The following PCDH15 variants were observed in gnomAD, a reference collection of about 807,000 sequenced individuals.
The protein encoded by PCDH15 is protocadherin related 15, also known as protocadherin-15.
Under a neutral mutation model 178.5 loss-of-function variants are expected in PCDH15, and 129 were observed. That is an observed-to-expected ratio of 0.72 (90% CI 0.63 to 0.84). The LOEUF is 0.84. Among genes scored for constraint, PCDH15 ranks in the 40% least tolerant of loss-of-function variants. The pLI, the probability that PCDH15 is intolerant of heterozygous loss-of-function variation, is 0.00. For missense variants in PCDH15, 2,230 were observed against 2,099.9 expected (o/e 1.06, Z -1.21); for synonymous variants, 800 against 732.0 (o/e 1.09, Z -1.50).
intron 23 of PCDH15, among the ~76,000 whole-genome samples, chr10:53,949,541 T>C (rs1255093388): frequency 6.6e-6 from 1 of 152,092 alleles, no homozygotes; most frequent in Non-Finnish European, 1.5e-5. Context: ...AATGATAGCC[T>C]GGGCAATATA....
chr10:54,567,991 C>T (rs2089286331), intron 2 of PCDH15, among the ~76,000 whole-genome samples: 1 of 152,116 alleles, frequency 6.6e-6, no homozygotes, highest in African/African-American at 2.4e-5. Context: ...TTATCTAACA[C>T]ATAAGTATAC....
chr10:54,339,863 G>C (rs147126274), intron 6 of PCDH15, among the ~76,000 whole-genome samples: 1,820 of 152,236 alleles, frequency 0.012, 18 homozygotes, highest in Non-Finnish European at 0.018. Flanking sequence ...GTTTTAGCCA[G>C]AATTCCCCTA....
chr10:54,327,319 G>C (rs1017170370), intron 7 of PCDH15, among the ~76,000 whole-genome samples: 1 of 151,476 alleles, frequency 6.6e-6, no homozygotes, highest in African/African-American at 2.4e-5. Flanking sequence ...ACTCTGAGTG[G>C]CCCTCCCTAA....
At chr10:54,300,831 C>T (rs868769188) in intron 8 of PCDH15, among the ~76,000 whole-genome samples, 45 of 152,236 alleles carry the variant, frequency 3.0e-4, no homozygotes, top group African/African-American at 1.1e-3. Flanking sequence ...GTAAAATGGA[C>T]CAATCAGCAG....
chr10:55,524,367 G>A (rs1282665890), intron 2 of PCDH15, among the ~76,000 whole-genome samples: 1 of 151,592 alleles, frequency 6.6e-6, no homozygotes, highest in East Asian at 1.9e-4. Context: ...TTCCAATACA[G>A]TGGCCACCAG....
intron 2 of PCDH15, among the ~76,000 whole-genome samples, chr10:54,661,721 G>A (rs2094495881): frequency 6.6e-6 from 1 of 151,780 alleles, no homozygotes; most frequent in Admixed American, 6.6e-5. Flanking sequence ...ATAGATCTAT[G>A]GACACAATAG....
At chr10:55,370,260 AAAAACACAAT>A (rs1845473301) in intron 2 of PCDH15, among the ~76,000 whole-genome samples, 1 of 152,114 alleles carries the variant, frequency 6.6e-6, no homozygotes, top group South Asian at 2.1e-4. Flanking sequence ...CTGGCAAAGA[AAAAACACAAT>A]AAAACAGCAT....
intron 1 of PCDH15, among the ~76,000 whole-genome samples, chr10:55,282,962 C>A (rs1238427981): frequency 6.6e-6 from 1 of 152,110 alleles, no homozygotes. Context: ...TATAGTTGAA[C>A]TTTGAAACAA....
intron 2 of PCDH15, among the ~76,000 whole-genome samples, chr10:55,610,047 G>A (rs1447851350): frequency 6.6e-6 from 1 of 152,072 alleles, no homozygotes; most frequent in East Asian, 1.9e-4. Context: ...AACTTCCAGA[G>A]ATATATCTTA....
At chr10:53,951,297 C>T (rs2593109) in intron 23 of PCDH15, among the ~76,000 whole-genome samples, 2,083 of 151,810 alleles carry the variant, frequency 0.014, 44 homozygotes, top group African/African-American at 0.047. Context: ...GGGATATTAC[C>T]CGGACTTAAT....
At chr10:54,710,957 C>G (rs947846515) in intron 1 of PCDH15, among the ~76,000 whole-genome samples, 1 of 151,922 alleles carries the variant, frequency 6.6e-6, no homozygotes, top group East Asian at 1.9e-4. Flanking sequence ...CAGGCATAAA[C>G]CGGATTGCTT....
At chr10:55,490,571 A>G (rs1218844935) in intron 2 of PCDH15, among the ~76,000 whole-genome samples, 1 of 151,794 alleles carries the variant, frequency 6.6e-6, no homozygotes, top group East Asian at 1.9e-4. Flanking sequence ...TTTGTAGTGG[A>G]GCTACTTAGC....
At chr10:55,529,794 A>ACATAT (rs1385359084) in intron 2 of PCDH15, among the ~76,000 whole-genome samples, 1 of 122,558 alleles carries the variant, frequency 8.2e-6, no homozygotes, top group Non-Finnish European at 1.7e-5. Flanking sequence ...TACCACAAAT[A>ACATAT]CATATATGTT....
At chr10:54,731,564 A>ATATATATATATATATT in intron 1 of PCDH15, among the ~76,000 whole-genome samples, 1 of 43,354 alleles carries the variant, frequency 2.3e-5, no homozygotes, top group East Asian at 6.2e-4. Context: ...ATATATATAT[A>ATATATATATATATATT]CACACACACA....
intron 1 of PCDH15, among the ~76,000 whole-genome samples, chr10:55,304,677 A>C (rs913030853): frequency 4.6e-5 from 7 of 152,204 alleles, no homozygotes; most frequent in Admixed American, 2.0e-4. Flanking sequence ...TTGAGAAAGG[A>C]ATGTAGTTCT....
intron 2 of PCDH15, among the ~76,000 whole-genome samples, chr10:55,039,311 T>G (rs964741870): frequency 2.6e-5 from 4 of 151,998 alleles, no homozygotes; most frequent in Non-Finnish European, 5.9e-5. Context: ...AAAAAAGACA[T>G]GAGCAGATAT....
intron 3 of PCDH15, among the ~76,000 whole-genome samples, chr10:54,389,391 T>A (rs1218700290): frequency 6.6e-6 from 1 of 152,192 alleles, no homozygotes; most frequent in African/African-American, 2.4e-5. Flanking sequence ...ATGAATCACC[T>A]AGAGATCTTG....
At chr10:54,281,380 T>C (rs2058697095) in intron 8 of PCDH15, among the ~76,000 whole-genome samples, 1 of 152,052 alleles carries the variant, frequency 6.6e-6, no homozygotes, top group Middle Eastern at 3.4e-3. Flanking sequence ...ATAGAAAAGA[T>C]TTGTGGATAT....
At chr10:55,456,328 T>C (rs1387531430) in intron 2 of PCDH15, among the ~76,000 whole-genome samples, 1 of 152,082 alleles carries the variant, frequency 6.6e-6, no homozygotes, top group Non-Finnish European at 1.5e-5. Context: ...GCAAGAAAAG[T>C]TATCTCTTTG....
Sources: allele counts gnomAD v4.1 joint callset (sites outside exome capture counted in the v4.1 genomes callset), GRCh38; gene constraint gnomAD v4.1.1; transcripts MANE v1.5; gene names NCBI Gene and HGNC (gene_info 2026-07-23, HGNC 2026-07-21).